The following MLLT3 variants were observed in gnomAD, a reference collection of about 807,000 sequenced individuals.
MLLT3 encodes the protein MLLT3 super elongation complex subunit, also known as protein AF-9.
MLLT3 carries 4 observed loss-of-function variants against 53.2 expected under a neutral mutation model. The observed-to-expected ratio is 0.08, with a 90% CI of 0.04 to 0.17. The LOEUF (loss-of-function observed/expected upper bound fraction) is 0.17. Among genes scored for constraint, MLLT3 ranks in the 10% least tolerant of loss-of-function variants. The probability of loss-of-function intolerance (pLI) is 1.00; values close to 1 mark genes in which losing one functional copy is unlikely to be tolerated. For missense variants in MLLT3, 569 were observed against 684.0 expected, an observed-to-expected ratio of 0.83 and a Z score of 1.87; for synonymous variants, 283 against 230.6, an observed-to-expected ratio of 1.23 and a Z score of -2.06.
At position 20,621,864 on chromosome 9, in the gene MLLT3, G is replaced by A. The variant is rs530830383; in HGVS notation, c.12+381C>T. On this transcript the variant is annotated intron_variant, in intron 1 of 10. Transcript: ENST00000380338. The surrounding 1 kb of genome is among the most constrained non-coding windows in gnomAD (Gnocchi z 7.0). The stretch of plus-strand genomic sequence containing the variant: ...GTGCCCGCAGCTCCCGGCGGCGGCG[G>A]CTGAAATATGGCTGAGTTATTATTC... 3 of 1,380,352 alleles carry A rather than the reference G, an allele frequency of 2.2e-6. No individual in the cohort carries two copies. In the African/African-American group the frequency reaches 4.6e-5, roughly 21 times the overall value. The allele number at this position is 1,380,352 out of a possible 1,614,324, so 85.5% of individuals were successfully genotyped here.
chr9:20,517,552 C>G (rs758110112), intron 2 of MLLT3, among the ~76,000 whole-genome samples: 2 of 151,806 alleles, frequency 1.3e-5, no homozygotes, highest in Non-Finnish European at 2.9e-5. Flanking sequence ...AATAAAGAAG[C>G]AGGGCCAGGC....
chr9:20,541,990 T>C (rs2119012926), intron 2 of MLLT3, among the ~76,000 whole-genome samples: 1 of 152,314 alleles, frequency 6.6e-6, no homozygotes. Context: ...GCATCTAGAA[T>C]AGTATATCTT....
intron 2 of MLLT3, among the ~76,000 whole-genome samples, chr9:20,560,430 AAC>A (rs1281417528): frequency 6.6e-6 from 1 of 152,210 alleles, no homozygotes; most frequent in African/African-American, 2.4e-5. Context: ...TCATTCATTC[AAC>A]ACATATTTAC....
At chr9:20,451,415 T>G (rs897563683) in intron 3 of MLLT3, among the ~76,000 whole-genome samples, 3 of 152,180 alleles carry the variant, frequency 2.0e-5, no homozygotes, top group African/African-American at 4.8e-5. Flanking sequence ...AATATCAACA[T>G]CACTTTATAG....
chr9:20,582,650 T>A lies in MLLT3; in HGVS notation c.193+38004A>T, dbSNP rs143531283. On this transcript the variant is annotated intron_variant, in intron 2 of 10. Coordinates refer to ENST00000380338, the MANE Select transcript of MLLT3 (RefSeq NM_004529.4). ...CCATATGGCTGCGGAGGCCTCAGAA[T>A]CATGATAGGAGGTGAAACACACTTC... 3.7e-3 allele frequency among the ~76,000 whole-genome samples: 570 copies of A among 152,186 alleles called. 2 individuals are homozygous for A. The highest frequency in any genetic ancestry group is 0.013 in the African/African-American group (533 of 41,520).
At chr9:20,382,014 A>G (rs1049635538) in intron 5 of MLLT3, among the ~76,000 whole-genome samples, 1 of 151,920 alleles carries the variant, frequency 6.6e-6, no homozygotes, top group East Asian at 1.9e-4. Flanking sequence ...TGGTAGATAA[A>G]ATACTTGTAA....
intron 2 of MLLT3, among the ~76,000 whole-genome samples, chr9:20,469,660 CAA>C (rs1312436777): frequency 2.0e-5 from 3 of 146,898 alleles, no homozygotes; most frequent in African/African-American, 7.5e-5. Context: ...AAAGGTCAAA[CAA>C]GAGAATAACT....
At chr9:20,484,067 T>G (rs191062624) in intron 2 of MLLT3, among the ~76,000 whole-genome samples, 214 of 152,196 alleles carry the variant, frequency 1.4e-3, no homozygotes, top group African/African-American at 4.8e-3. Context: ...TCAGAGAGGT[T>G]AAAATGTAGA....
rs146426654 is a variant in MLLT3, at chr9:20,620,909, A to AT, written c.13-76dup. ...TTCGGCAGTGAACGTTGCGCCTGAC[A>AT]TTTTTTTCCTCCTTCTTGAAACGCA... On this transcript the variant is annotated intron_variant, in intron 1 of 10. Coordinates refer to ENST00000380338, the MANE Select transcript of MLLT3 (RefSeq NM_004529.4). This position sits in a 1 kb window ranked among gnomAD's most constrained non-coding sequence, Gnocchi z 6.1. 4.7e-3 allele frequency: 7,088 copies of AT among 1,496,294 alleles called. 251 individuals carry two copies. The African/African-American group carries it at 0.081, about 17-fold the overall frequency. The allele number at this position is 1,496,294 out of a possible 1,614,324, so 92.7% of individuals were successfully genotyped here. A position where few individuals can be genotyped will look rare whatever the true frequency, so the allele number is the denominator to read the frequency against.
chr9:20,491,750 T>A (rs949796767), intron 2 of MLLT3, among the ~76,000 whole-genome samples: 2 of 152,134 alleles, frequency 1.3e-5, no homozygotes. Context: ...AATAACCACA[T>A]ATACACCTGG....
intron 2 of MLLT3, among the ~76,000 whole-genome samples, chr9:20,599,088 G>A (rs1390623633): frequency 1.3e-5 from 2 of 152,100 alleles, no homozygotes; most frequent in African/African-American, 2.4e-5. Flanking sequence ...GGCAGATCAC[G>A]AGGTCAAGAG....
intron 5 of MLLT3, among the ~76,000 whole-genome samples, chr9:20,398,911 C>A (rs1029291273): frequency 4.0e-5 from 6 of 150,656 alleles, no homozygotes; most frequent in South Asian, 2.2e-4. Flanking sequence ...AACAAACAAA[C>A]AAAAAAAACA....
intron 4 of MLLT3, among the ~76,000 whole-genome samples, chr9:20,435,245 T>C (rs968144556): frequency 1.3e-5 from 2 of 152,138 alleles, no homozygotes; most frequent in Non-Finnish European, 2.9e-5. Context: ...GGTCTCAGTA[T>C]GTTACCCAGG....
At chr9:20,372,173 T>C (rs1040487594) in intron 5 of MLLT3, among the ~76,000 whole-genome samples, 3 of 152,194 alleles carry the variant, frequency 2.0e-5, no homozygotes, top group Admixed American at 2.0e-4. Context: ...ACTGGTTTCT[T>C]CAGATGGAAT....
chr9:20,507,421 A>AT (rs1287617604), intron 2 of MLLT3, among the ~76,000 whole-genome samples: 7 of 152,106 alleles, frequency 4.6e-5, no homozygotes, highest in Non-Finnish European at 7.4e-5. Context: ...AACTTCCTTC[A>AT]TTTTTTTAAA....
In MLLT3 at chr9:20,445,640, A is replaced by G. The variant is rs114584211; in HGVS notation, c.420+2483T>C. Reference sequence around the variant, plus strand: ...GCAACACTCAACTTTTAGTAGCTCTATGTACTTTTAGTTTAAAAGAAAATA... The same window carrying G: ...GCAACACTCAACTTTTAGTAGCTCTGTGTACTTTTAGTTTAAAAGAAAATA... On this transcript the variant is annotated intron_variant, in intron 4 of 10. Coordinates refer to ENST00000380338, the MANE Select transcript of MLLT3 (RefSeq NM_004529.4). Among the ~76,000 whole-genome samples, 750 of 152,306 alleles carry G rather than the reference A, an allele frequency of 4.9e-3. 7 individuals carry two copies. Among genetic ancestry groups the G allele is most frequent in the African/African-American group, 0.017 (724 of 41,552 alleles).
At chr9:20,470,709 T>C (rs1309579321) in intron 2 of MLLT3, among the ~76,000 whole-genome samples, 1 of 151,966 alleles carries the variant, frequency 6.6e-6, no homozygotes, top group African/African-American at 2.4e-5. Context: ...TTGTTTAGCT[T>C]CTACCCTAAA....
rs757495416 is a variant in MLLT3, at chr9:20,413,726, A to T, written c.1120T>A (p.Ser374Thr). 8 of 1,592,786 alleles carry T rather than the reference A, an allele frequency of 5.0e-6. No homozygotes were observed. The South Asian group carries it at 9.3e-5, about 19-fold the overall frequency. The stretch of plus-strand genomic sequence containing the variant: ...AGCCAGTAAGAACTACTCACATCAG[A>T]TTTAGAGGATATATTCTCCTCCACA... ...SDVEENISSK[S>T]DSEQPSPASS... Residue 374 changes from serine (S) to threonine (T), a missense_variant, in exon 5 of 11, where the codon TCT becomes ACT. This residue lies in a region of MLLT3 where 437 missense variants were observed against 376.5 expected (regional missense o/e 1.16). Coordinates refer to ENST00000380338, the MANE Select transcript of MLLT3 (RefSeq NM_004529.4).
chr9:20,523,514 C>T (rs187493933), intron 2 of MLLT3, among the ~76,000 whole-genome samples: 1 of 152,288 alleles, frequency 6.6e-6, no homozygotes, highest in African/African-American at 2.4e-5. Flanking sequence ...GTACCTCCAC[C>T]ACACAATGGA....
Sources: gnomAD v4.1 joint callset for allele counts (sites outside exome capture counted in the v4.1 genomes callset) on GRCh38, gnomAD v4.1.1 for gene constraint, gnomAD v4.1.1 regional missense constraint, Gnocchi (gnomAD v3.1) non-coding constraint, MANE v1.5 for transcripts, NCBI Gene and HGNC (gene_info 2026-07-23, HGNC 2026-07-21) for gene names.